The following HAVCR1 variants were observed in gnomAD, a reference collection of about 807,000 sequenced individuals.
HAVCR1 encodes the protein hepatitis A virus cellular receptor 1, also known as T cell immunoglobin domain and mucin domain protein 1.
A neutral mutation model predicts 32.0 loss-of-function variants in HAVCR1; 34 were observed. The observed-to-expected ratio is 1.06, with a 90% confidence interval of 0.81 to 1.42. The LOEUF is 1.42. HAVCR1 is among the 40% of genes most tolerant of loss of function. The pLI, the probability that HAVCR1 is intolerant of heterozygous loss-of-function variation, is 0.00. For synonymous variants in HAVCR1, 178 were observed against 170.3 expected, an observed-to-expected ratio of 1.05 and a Z score of -0.35; for missense variants, 420 against 442.3, an observed-to-expected ratio of 0.95 and a Z score of 0.45.
At chr5:157,057,003 C>T (rs541363222) in intron 2 of HAVCR1, among the ~76,000 whole-genome samples, 31 of 151,684 alleles carry the variant, frequency 2.0e-4, no homozygotes, top group South Asian at 1.0e-3. Context: ...CCCAGGAGGT[C>T]GAGGTTGCAG....
At chr5:157,031,505 G>A (rs936137496) in intron 8 of HAVCR1, among the ~76,000 whole-genome samples, 44 of 152,116 alleles carry the variant, frequency 2.9e-4, no homozygotes, top group Non-Finnish European at 5.7e-4. Flanking sequence ...TGGCCTTGGG[G>A]CATAGATGCA....
the HAVCR1 span, among the ~76,000 whole-genome samples, chr5:157,068,475 T>C: frequency 6.6e-6 from 1 of 151,950 alleles, no homozygotes; most frequent in African/African-American, 2.4e-5. Context: ...TAGTCCCAGC[T>C]ACTCAGGAGG....
the HAVCR1 span, among the ~76,000 whole-genome samples, chr5:157,065,613 A>G: frequency 6.6e-6 from 1 of 151,988 alleles, no homozygotes; most frequent in Non-Finnish European, 1.5e-5. Flanking sequence ...TTAGCACTTT[A>G]GGAGACCAAG....
chr5:157,048,436 A>G (rs1181810989), intron 5 of HAVCR1, among the ~76,000 whole-genome samples: 1 of 152,218 alleles, frequency 6.6e-6, no homozygotes, highest in Non-Finnish European at 1.5e-5. Context: ...AATAGCTGCT[A>G]TTATATTTAT....
intron 4 of HAVCR1, among the ~76,000 whole-genome samples, chr5:157,051,290 T>A (rs1248811283): frequency 6.6e-6 from 1 of 152,200 alleles, no homozygotes; most frequent in African/African-American, 2.4e-5. Flanking sequence ...CAATTTCCAC[T>A]GTACATAAAT....
Position 157,029,782 on chromosome 5 carries a change from T to G in HAVCR1, c.1046A>C (p.Gln349Pro), listed in dbSNP as rs1462104576. The G allele has an allele frequency of 1.2e-6, 2 of 1,612,014 alleles. No individual in the cohort carries two copies. Among genetic ancestry groups the G allele is most frequent in the African/African-American group, 2.7e-5 (2 of 74,804 alleles). Residue 349 changes from glutamine (Q) to proline (P), a missense_variant, in exon 9 of 9, where the codon CAA (glutamine) becomes CCA (proline). By Grantham distance (76) the Gln-to-Pro change is moderately conservative (BLOSUM62 -1). Coordinates refer to ENST00000523175, the MANE Select transcript of HAVCR1 (RefSeq NM_001173393.3). Reference sequence around the variant, plus strand: ...CTCAATGTAGATATTGTCTTCTGCTTGGACTTCCTTTTCAACTGCATTTTG... The same window carrying G: ...CTCAATGTAGATATTGTCTTCTGCTGGGACTTCCTTTTCAACTGCATTTTG... ...ALQNAVEKEV[Q>P]AEDNIYIENS...
upstream of HAVCR1, chr5:157,059,189 G>A (rs546423716): frequency 6.6e-6 from 1 of 152,260 alleles, no homozygotes; most frequent in Non-Finnish European, 1.5e-5. Context: ...AAATCGGGCT[G>A]TTGACTTCTG....
upstream of HAVCR1, among the ~76,000 whole-genome samples, chr5:157,060,063 A>G (rs1581739133): frequency 6.6e-6 from 1 of 152,162 alleles, no homozygotes; most frequent in South Asian, 2.1e-4. Flanking sequence ...ACATGACTCA[A>G]TATACTAGGG....
intron 1 of HAVCR1, 197 bp from the exon 2 acceptor site, chr5:157,058,152 C>T: frequency 1.9e-6 from 1 of 540,364 alleles, no homozygotes; most frequent in South Asian, 2.4e-5. Context: ...AGCTCTGTGC[C>T]TTCCAAAGGA....
At chr5:157,057,504 A>T (rs1386847298) in intron 2 of HAVCR1, among the ~76,000 whole-genome samples, 4 of 152,046 alleles carry the variant, frequency 2.6e-5, no homozygotes, top group Non-Finnish European at 5.9e-5. Flanking sequence ...GGCACAAAAA[A>T]ATACAATAAG....
chr5:157,032,912 G>A (rs1448246923), intron 7 of HAVCR1, 25 bp from the exon 8 acceptor site: 1 of 1,474,174 alleles, frequency 6.8e-7, no homozygotes, highest in Non-Finnish European at 9.2e-7. Flanking sequence ...TGGGGAGAGA[G>A]GAGTTGAAGA....
intron 8 of HAVCR1, among the ~76,000 whole-genome samples, chr5:157,031,366 CTAAG>C (rs1393923770): frequency 1.3e-5 from 2 of 152,120 alleles, no homozygotes; most frequent in Non-Finnish European, 2.9e-5. Context: ...AGATGGCAGC[CTAAG>C]TAAGAGGGAT....
Position 157,042,691 on chromosome 5 carries a change from C to T in HAVCR1, c.782-9G>A. 1 of 1,533,574 alleles carries T rather than the reference C, an allele frequency of 6.5e-7. No individual in the cohort carries two copies. Among genetic ancestry groups the T allele is most frequent in the Non-Finnish European group, 9.0e-7 (1 of 1,110,594 alleles). The allele number at this position is 1,533,574 out of a possible 1,614,324, so 95.0% of individuals were successfully genotyped here. Reference sequence around the variant, plus strand: ...CACGGTGTCATTCCCATCTACTCAACAAGAAGGAAATTTAATTAGAATTAC... The same window carrying T: ...CACGGTGTCATTCCCATCTACTCAATAAGAAGGAAATTTAATTAGAATTAC... On this transcript the variant is annotated splice_polypyrimidine_tract_variant and intron_variant, in intron 5 of 8. Coordinates refer to ENST00000523175, the MANE Select transcript of HAVCR1 (RefSeq NM_001173393.3).
chr5:157,044,963 ATGTGTGTATG>A (rs1755295099), intron 5 of HAVCR1, among the ~76,000 whole-genome samples: 2 of 151,912 alleles, frequency 1.3e-5, no homozygotes, highest in Non-Finnish European at 1.5e-5. Context: ...GTGTGTGTTT[ATGTGTGTATG>A]TGTGTGTGTG....
intron 6 of HAVCR1, among the ~76,000 whole-genome samples, chr5:157,039,867 C>G (rs911114154): frequency 6.6e-6 from 1 of 152,094 alleles, no homozygotes; most frequent in Admixed American, 6.6e-5. Context: ...TTCAAGATAC[C>G]TGGGAGAAGA....
the HAVCR1 span, among the ~76,000 whole-genome samples, chr5:157,064,994 G>A: frequency 1.1e-4 from 16 of 152,328 alleles, no homozygotes; most frequent in Admixed American, 9.8e-4. Context: ...AGTTCAGGAG[G>A]GAGGTCTGAG....
At chr5:157,040,521 T>C (rs1216249697) in intron 6 of HAVCR1, among the ~76,000 whole-genome samples, 1 of 152,264 alleles carries the variant, frequency 6.6e-6, no homozygotes, top group African/African-American at 2.4e-5. Context: ...GGTATTTGGC[T>C]CTACACTAAA....
rs1756227009 is a variant in HAVCR1, at chr5:157,057,382, G to A, written c.46+516C>T. ...TCATGAAGAGAGAGAGAGAGAGAGA[G>A]AGAGGAAAGAAAGAAAGAAAGAAAG... On this transcript the variant is annotated intron_variant, in intron 2 of 8. Coordinates refer to ENST00000523175, the MANE Select transcript of HAVCR1 (RefSeq NM_001173393.3). Among the ~76,000 whole-genome samples, 8 of 133,926 alleles carry A rather than the reference G, an allele frequency of 6.0e-5. 1 individual carries two copies. Among genetic ancestry groups the A allele is most frequent in the African/African-American group, 1.7e-4 (6 of 34,732 alleles). 87.9% of individuals were successfully genotyped at this position (133,926 alleles called of 152,430 possible).
upstream of HAVCR1, among the ~76,000 whole-genome samples, chr5:157,061,609 A>T (rs1756490155): frequency 6.6e-6 from 1 of 152,020 alleles, no homozygotes; most frequent in Non-Finnish European, 1.5e-5. Flanking sequence ...CAGGAGGCTG[A>T]GGCAAGAGAA....
Sources: gnomAD v4.1 joint callset for allele counts (sites outside exome capture counted in the v4.1 genomes callset) on GRCh38, gnomAD v4.1.1 for gene constraint, MANE v1.5 for transcripts, NCBI Gene and HGNC (gene_info 2026-07-23, HGNC 2026-07-21) for gene names.